RALGAPA2: variants seen among roughly 807,000 people sequenced by gnomAD.
RALGAPA2 encodes Ral GTPase activating protein catalytic subunit alpha 2, also known as ral GTPase-activating protein subunit alpha-2.
Under a neutral mutation model 230.4 loss-of-function variants are expected in RALGAPA2, and 139 were observed. The observed-to-expected ratio is 0.60, with a 90% CI of 0.53 to 0.69. RALGAPA2 has a LOEUF of 0.69. RALGAPA2 is among the 30% of genes least tolerant of loss of function. The probability of loss-of-function intolerance (pLI) is 0.00; values close to 1 mark genes in which losing one functional copy is unlikely to be tolerated. For missense variants in RALGAPA2, 2,163 were observed against 2,276.0 expected, an observed-to-expected ratio of 0.95 and a Z score of 1.01; for synonymous variants, 847 against 837.8, an observed-to-expected ratio of 1.01 and a Z score of -0.19.
chr20:20,496,106 C>A (rs147220280), intron 35 of RALGAPA2, among the ~76,000 whole-genome samples: 1 of 151,016 alleles, frequency 6.6e-6, no homozygotes, highest in Non-Finnish European at 1.5e-5. Flanking sequence ...TAAGCCTGCA[C>A]CCAAAGTTAC....
intron 23 of RALGAPA2, among the ~76,000 whole-genome samples, chr20:20,555,251 C>T (rs745975223): frequency 6.6e-6 from 1 of 152,226 alleles, no homozygotes; most frequent in Non-Finnish European, 1.5e-5. Context: ...GAGTTTACTT[C>T]TAGACTCTTA....
intron 35 of RALGAPA2, among the ~76,000 whole-genome samples, chr20:20,501,242 T>A (rs2062366934): frequency 6.6e-6 from 1 of 152,264 alleles, no homozygotes; most frequent in Non-Finnish European, 1.5e-5. Context: ...GTTATGAAAG[T>A]GGTAGATAGA....
At chr20:20,611,241 A>T (rs2065965277) in intron 14 of RALGAPA2, 74 bp downstream of exon 14, 1 of 1,478,322 alleles carries the variant, frequency 6.8e-7, no homozygotes, top group African/African-American at 1.4e-5. Flanking sequence ...TAAAATTCTC[A>T]ATGATTAAAA....
rs970487194 is a variant in RALGAPA2, at chr20:20,503,463, C to A, written c.5096G>T (p.Arg1699Leu). The part of the protein sequence containing the change: ...THCGFMGGLQ[R>L]NGSTGQTAPY... ...GGCCGTCTGCCCGGTGCTGCCATTG[C>A]GCTGAAGGCCACCCATGAACCCACA... Residue 1699 changes from arginine to leucine, a missense_variant, in exon 35 of 40, where the codon CGC becomes CTC. Transcript: ENST00000202677. 1 of 1,604,064 alleles carries A rather than the reference C, an allele frequency of 6.2e-7. No homozygotes were observed. Among genetic ancestry groups the A allele is most frequent in the Admixed American group, 1.7e-5 (1 of 58,490 alleles).
rs200194417 is a variant in RALGAPA2 at position 20,687,395 on chromosome 20, TC to T, written c.107-6595del. On this transcript the variant is annotated intron_variant, in intron 1 of 39. Transcript: ENST00000202677. Reference sequence around the variant, plus strand: ...AGTTTGCAGAAATGCCACAAATCATTCCTTCCTTCCATCCACACATTTGGAT... The same window carrying T: ...AGTTTGCAGAAATGCCACAAATCATTCTTCCTTCCATCCACACATTTGGAT... 1.2e-4 allele frequency among the ~76,000 whole-genome samples: 18 copies of T among 152,296 alleles called. No individual in the cohort carries two copies. In the East Asian group the frequency reaches 2.9e-3, roughly 24 times the overall value.
intron 23 of RALGAPA2, among the ~76,000 whole-genome samples, chr20:20,548,705 G>C (rs1270692477): frequency 6.6e-6 from 1 of 152,212 alleles, no homozygotes; most frequent in African/African-American, 2.4e-5. Flanking sequence ...CTGCAGTTTA[G>C]AAAGTGTGTG....
At chr20:20,545,064 G>A (rs1387024398) in intron 24 of RALGAPA2, among the ~76,000 whole-genome samples, 2 of 152,096 alleles carry the variant, frequency 1.3e-5, no homozygotes, top group Non-Finnish European at 2.9e-5. Flanking sequence ...TTCCCTTCTT[G>A]TATCTTGTAA....
intron 37 of RALGAPA2, among the ~76,000 whole-genome samples, chr20:20,416,946 A>G (rs1262993256): frequency 6.6e-6 from 1 of 152,190 alleles, no homozygotes; most frequent in Non-Finnish European, 1.5e-5. Context: ...GTGCTGTAAC[A>G]GTTTGCGTAC....
intron 5 of RALGAPA2, among the ~76,000 whole-genome samples, chr20:20,642,059 G>A (rs2067046735): frequency 7.2e-6 from 1 of 139,842 alleles, no homozygotes; most frequent in Admixed American, 7.5e-5. Context: ...CCTCTCCCAA[G>A]CAGGTAAAAT....
intron 37 of RALGAPA2, among the ~76,000 whole-genome samples, chr20:20,414,362 A>G (rs2060124527): frequency 6.6e-6 from 1 of 152,120 alleles, no homozygotes; most frequent in Non-Finnish European, 1.5e-5. Flanking sequence ...CAACACATCC[A>G]CATACAGTGC....
chr20:20,404,676 A>G (rs1215945998), intron 38 of RALGAPA2, among the ~76,000 whole-genome samples: 1 of 152,216 alleles, frequency 6.6e-6, no homozygotes, highest in Admixed American at 6.5e-5. Flanking sequence ...TGTCTCTGAG[A>G]AAAATTCCTG....
intron 19 of RALGAPA2, among the ~76,000 whole-genome samples, chr20:20,584,339 C>T (rs1214054756): frequency 6.6e-6 from 1 of 152,170 alleles, no homozygotes; most frequent in Non-Finnish European, 1.5e-5. Flanking sequence ...TATCTGCTCA[C>T]TCATGCCATC....
chr20:20,455,241 C>T (rs933672274), intron 37 of RALGAPA2, among the ~76,000 whole-genome samples: 1 of 152,232 alleles, frequency 6.6e-6, no homozygotes, highest in African/African-American at 2.4e-5. Flanking sequence ...AGCTATCGAT[C>T]GCTGCCTGCA....
chr20:20,699,593 C>A (rs2069259508), intron 1 of RALGAPA2, among the ~76,000 whole-genome samples: 1 of 152,094 alleles, frequency 6.6e-6, no homozygotes, highest in African/African-American at 2.4e-5. Flanking sequence ...AAAACACTAT[C>A]AAAGATTTCA....
intron 20 of RALGAPA2, among the ~76,000 whole-genome samples, chr20:20,573,955 G>A (rs2064737412): frequency 6.6e-6 from 1 of 152,218 alleles, no homozygotes; most frequent in African/African-American, 2.4e-5. Flanking sequence ...ATATCTAGGA[G>A]TGAGATTCCT....
chr20:20,591,303 A>G lies in RALGAPA2; in HGVS notation c.2215T>C (p.Cys739Arg). The G allele has an allele frequency of 6.2e-7, 1 of 1,613,494 alleles. No homozygotes were observed. The highest frequency in any genetic ancestry group is 1.1e-5 in the South Asian group (1 of 91,054). ...VRQKATEVEE[C>R]QQSENAPAAG... is the part of the protein sequence containing the mutation. Reference sequence around the variant, plus strand: ...GCAGGTGCATTTTCTGACTGTTGACACTCCTCCACTTCTGTGAGCATTAAC... The same window carrying G: ...GCAGGTGCATTTTCTGACTGTTGACGCTCCTCCACTTCTGTGAGCATTAAC... Residue 739 changes from cysteine to arginine, a missense_variant, in exon 17 of 40, where the codon TGT (cysteine) becomes CGT (arginine). By Grantham distance (180) the Cys-to-Arg change is radical. Coordinates refer to ENST00000202677, the MANE Select transcript of RALGAPA2 (RefSeq NM_020343.4).
intron 4 of RALGAPA2, among the ~76,000 whole-genome samples, chr20:20,651,035 T>C (rs1183999063): frequency 6.6e-6 from 1 of 152,174 alleles, no homozygotes; most frequent in African/African-American, 2.4e-5. Flanking sequence ...CCACTAATGG[T>C]ACATATTCTT....
chr20:20,601,753 A>C lies in RALGAPA2; in HGVS notation c.2132T>G (p.Phe711Cys). 1.2e-6 allele frequency: 2 copies of C among 1,613,878 alleles called. No homozygotes were observed. Among genetic ancestry groups the C allele is most frequent in the Non-Finnish European group, 1.7e-6 (2 of 1,179,822 alleles). ...SHPDVTEPMR[F>C]RSATTSGAPG... ...TGCTCCAGACGTGGTGGCACTCCTAAATCGCATCGGTTCGGTCACATCTGG... is the reference window on the plus strand; with the variant it reads ...TGCTCCAGACGTGGTGGCACTCCTACATCGCATCGGTTCGGTCACATCTGG... The change falls in exon 16 of 40, where the codon TTT (phenylalanine) becomes TGT (cysteine). Residue 711 changes from phenylalanine (F) to cysteine (C), a missense_variant. Coordinates refer to ENST00000202677, the MANE Select transcript of RALGAPA2 (RefSeq NM_020343.4).
At chr20:20,694,986 TG>T (rs1209223410) in intron 1 of RALGAPA2, among the ~76,000 whole-genome samples, 2 of 152,176 alleles carry the variant, frequency 1.3e-5, no homozygotes, top group African/African-American at 4.8e-5. Flanking sequence ...AAAGCTGTTT[TG>T]GGGGGTACTT....
Sources: gnomAD v4.1 joint callset for allele counts (sites outside exome capture counted in the v4.1 genomes callset) on GRCh38, gnomAD v4.1.1 for gene constraint, MANE v1.5 for transcripts, NCBI Gene and HGNC (gene_info 2026-07-23, HGNC 2026-07-21) for gene names.